BRCC3: variants seen among roughly 807,000 people sequenced by gnomAD.
BRCC3 encodes BRCA1/BRCA2-containing complex subunit 3, also known as lys-63-specific deubiquitinase BRCC36.
A neutral mutation model predicts 28.0 loss-of-function variants in BRCC3; 15 were observed. The ratio of observed to expected loss-of-function variants is 0.54; its 90% CI spans 0.36 to 0.82. The LOEUF (loss-of-function observed/expected upper bound fraction) is 0.82, where lower values mean the gene tolerates loss of function less well. BRCC3 is among the 40% of genes least tolerant of loss of function. The probability of loss-of-function intolerance (pLI) is 0.01; values close to 1 mark genes in which losing one functional copy is unlikely to be tolerated. For synonymous variants in BRCC3, 66 were observed against 80.3 expected (o/e 0.82, Z 0.95); for missense variants, 109 against 225.9 (o/e 0.48, Z 3.32).
At chrX:155,071,700 T>G (rs782097597) in intron 1 of BRCC3, 50 bp downstream of exon 1, 1 of 1,172,576 alleles carries the variant, frequency 8.5e-7, no homozygotes, top group South Asian at 1.9e-5. Context: ...AGTCCCAGTG[T>G]GTCCCCGGGG....
chrX:155,083,028 C>CT (rs2057819626), intron 5 of BRCC3, among the ~76,000 whole-genome samples: 1 of 112,101 alleles, frequency 8.9e-6, no homozygotes, highest in African/African-American at 3.3e-5. Flanking sequence ...GGTGCTAGGC[C>CT]TTTGTCAGCG....
intron 3 of BRCC3, among the ~76,000 whole-genome samples, chrX:155,075,357 C>CT (rs2074030337): frequency 1.8e-5 from 2 of 111,701 alleles, no homozygotes; most frequent in African/African-American, 6.6e-5. Context: ...GCCAAGACCT[C>CT]TGCTCCCTTT....
At chrX:155,081,453 A>G in intron 5 of BRCC3, among the ~76,000 whole-genome samples, 1 of 111,755 alleles carries the variant, frequency 8.9e-6, no homozygotes, top group Non-Finnish European at 1.9e-5. Context: ...AGTACCTTAT[A>G]AATGTATGCA....
intron 7 of BRCC3, among the ~76,000 whole-genome samples, chrX:155,112,280 C>T (rs1449892840): frequency 2.7e-5 from 3 of 111,292 alleles, no homozygotes; most frequent in Non-Finnish European, 5.7e-5. Flanking sequence ...AACTGCAATA[C>T]CGTGACAGTC....
intron 7 of BRCC3, among the ~76,000 whole-genome samples, chrX:155,114,715 C>A (rs2074343104): frequency 1.2e-5 from 1 of 86,112 alleles, no homozygotes; most frequent in African/African-American, 4.9e-5. Context: ...ATAAAATATA[C>A]CCTAAATGAA....
chrX:155,072,332 C>T lies in BRCC3; in HGVS notation c.129C>T (p.Asn43=), dbSNP rs781842986. 3.3e-6 allele frequency: 4 copies of T among 1,198,350 alleles called. No homozygotes were observed. The highest frequency in any genetic ancestry group is 3.5e-5 in the South Asian group (2 of 56,358). The part of the protein sequence containing the change: ...EVMGLCIGEL[N]DDTRSDSKFA... ...TTTGCTTTTTCCCACTCTAGTTGAA[C>T]GATGATACAAGGTAAGACTGTATTT... Residue 43 remains asparagine (N), a synonymous_variant, in exon 2 of 11, where the codon AAC becomes AAT. Transcript: ENST00000330045.
At chrX:155,074,181 C>G (rs1345018151) in intron 3 of BRCC3, among the ~76,000 whole-genome samples, 1 of 112,264 alleles carries the variant, frequency 8.9e-6, no homozygotes, top group Non-Finnish European at 1.9e-5. Context: ...TGTCTCTTTT[C>G]TGGGTCTTCT....
chrX:155,111,065 T>C lies in BRCC3; in HGVS notation c.549-4992T>C, dbSNP rs138747495. 4.8e-3 allele frequency among the ~76,000 whole-genome samples: 534 copies of C among 111,809 alleles called. 5 individuals are homozygous for C. Among genetic ancestry groups the C allele is most frequent in the African/African-American group, 0.017 (511 of 30,849 alleles). ...GATACAAAAGGCAAGATGACACTTA[T>C]GTTGGAAATATCTGACAAGACTTTA... On this transcript the variant is annotated intron_variant, in intron 7 of 10. Transcript: ENST00000330045.
chrX:155,120,325 T>C (rs902504478), intron 10 of BRCC3, among the ~76,000 whole-genome samples, 157 bp downstream of exon 10: 2 of 111,951 alleles, frequency 1.8e-5, no homozygotes, highest in Non-Finnish European at 3.8e-5. Flanking sequence ...CTCCTACCTA[T>C]AACTGACCAA....
At chrX:155,078,017 T>C (rs1382725997) in intron 4 of BRCC3, among the ~76,000 whole-genome samples, 2 of 112,203 alleles carry the variant, frequency 1.8e-5, no homozygotes, top group Admixed American at 1.9e-4. Context: ...CTGCAATTAC[T>C]ATTTGTTAAG....
intron 7 of BRCC3, among the ~76,000 whole-genome samples, chrX:155,093,355 G>A (rs1251557524): frequency 9.1e-6 from 1 of 109,837 alleles, no homozygotes; most frequent in African/African-American, 3.3e-5. Flanking sequence ...GGTCTTTGGG[G>A]AATGACTTCT....
At chrX:155,100,937 A>G (rs1263026925) in intron 7 of BRCC3, among the ~76,000 whole-genome samples, 5 of 109,940 alleles carry the variant, frequency 4.5e-5, no homozygotes, top group African/African-American at 1.7e-4. Flanking sequence ...CTTGTCACCC[A>G]GGCTGCAATG....
At position 155,121,923 on chromosome X, in the gene BRCC3, T is replaced by G. The variant is rs1557299492; in HGVS notation, c.*719T>G. On this transcript the variant is annotated 3_prime_UTR_variant, in exon 11 of 11. Coordinates refer to ENST00000330045, the MANE Select transcript of BRCC3 (RefSeq NM_001018055.3). Reference sequence around the variant, plus strand: ...GGGAGGAGTGCTTGAGGTTAGGCGTTCCAGACCAGCCTGGGCAACATAGTG... The same window carrying G: ...GGGAGGAGTGCTTGAGGTTAGGCGTGCCAGACCAGCCTGGGCAACATAGTG... The G allele has an allele frequency of 9.0e-6, 1 of 111,558 alleles. No individual in the cohort carries two copies. Among genetic ancestry groups the G allele is most frequent in the Non-Finnish European group, 1.9e-5 (1 of 53,119 alleles). The allele number at this position is 111,558 out of a possible 1,213,427, so 9.2% of individuals were successfully genotyped here. A position where few individuals can be genotyped will look rare whatever the true frequency, so the allele number is the denominator to read the frequency against.
At chrX:155,100,054 A>G (rs1557296702) in intron 7 of BRCC3, among the ~76,000 whole-genome samples, 2 of 111,953 alleles carry the variant, frequency 1.8e-5, no homozygotes, top group African/African-American at 6.5e-5. Context: ...TATTAGATTT[A>G]CAGTAAAGTT....
At chrX:155,082,516 C>T in intron 5 of BRCC3, among the ~76,000 whole-genome samples, 1 of 111,987 alleles carries the variant, frequency 8.9e-6, no homozygotes, top group South Asian at 3.7e-4. Flanking sequence ...GTATGAAGAA[C>T]CAGATGCAAC....
At chrX:155,100,380 C>A (rs782616939) in intron 7 of BRCC3, among the ~76,000 whole-genome samples, 1 of 112,237 alleles carries the variant, frequency 8.9e-6, no homozygotes, top group South Asian at 3.6e-4. Flanking sequence ...GAAGAAAAAA[C>A]CTTTAGTCTG....
chrX:155,116,791 G>C (rs782800796), intron 9 of BRCC3, 37 bp downstream of exon 9: 2 of 1,038,360 alleles, frequency 1.9e-6, no homozygotes, highest in Admixed American at 5.1e-5. Flanking sequence ...CATTTTTTCT[G>C]ACTATTTCCC....
At chrX:155,103,495 G>A (rs1557297100) in intron 7 of BRCC3, among the ~76,000 whole-genome samples, 2 of 111,937 alleles carry the variant, frequency 1.8e-5, no homozygotes, top group Admixed American at 9.4e-5. Flanking sequence ...ATATTTCTCC[G>A]CTGTTCAACA....
chrX:155,083,398 T>C (rs2074097717), intron 5 of BRCC3, among the ~76,000 whole-genome samples: 1 of 112,080 alleles, frequency 8.9e-6, no homozygotes, highest in South Asian at 3.7e-4. Flanking sequence ...ACAGGAACCA[T>C]TAGAAAGGAA....
Sources: gnomAD v4.1 joint callset for allele counts (sites outside exome capture counted in the v4.1 genomes callset) on GRCh38, gnomAD v4.1.1 for gene constraint, MANE v1.5 for transcripts, NCBI Gene and HGNC (gene_info 2026-07-23, HGNC 2026-07-21) for gene names.